The following NTNG1 variants were observed in gnomAD, a reference collection of about 807,000 sequenced individuals.
NTNG1 encodes netrin G1, also known as netrin-G1.
Under a neutral mutation model 54.0 loss-of-function variants are expected in NTNG1, and 16 were observed. The ratio of observed to expected loss-of-function variants is 0.30; its 90% CI spans 0.20 to 0.45. The LOEUF (loss-of-function observed/expected upper bound fraction) is 0.45, where lower values mean the gene tolerates loss of function less well. Among genes scored for constraint, NTNG1 ranks in the 20% least tolerant of loss-of-function variants. The pLI, the probability that NTNG1 is intolerant of heterozygous loss-of-function variation, is 1.00. For missense variants in NTNG1, 530 were observed against 678.7 expected, an observed-to-expected ratio of 0.78 and a Z score of 2.43; for synonymous variants, 255 against 263.1, an observed-to-expected ratio of 0.97 and a Z score of 0.30.
intron 3 of NTNG1, among the ~76,000 whole-genome samples, chr1:107,374,097 C>T (rs920883914): frequency 5.9e-5 from 9 of 152,134 alleles, no homozygotes; most frequent in African/African-American, 1.9e-4. Flanking sequence ...TTTTACTCTA[C>T]TGTCTTCTCA....
At chr1:107,292,640 G>T (rs1056939070) in intron 2 of NTNG1, among the ~76,000 whole-genome samples, 1 of 152,076 alleles carries the variant, frequency 6.6e-6, no homozygotes, top group African/African-American at 2.4e-5. Flanking sequence ...AGGCAAAATG[G>T]CGGAGTTTAA....
intron 2 of NTNG1, among the ~76,000 whole-genome samples, chr1:107,188,766 C>A (rs1657664583): frequency 1.3e-5 from 2 of 151,986 alleles, no homozygotes; most frequent in Non-Finnish European, 2.9e-5. Flanking sequence ...CATAACAGGG[C>A]AGAATTTTGC....
chr1:107,281,373 A>G (rs1480205316), intron 2 of NTNG1, among the ~76,000 whole-genome samples: 1 of 152,070 alleles, frequency 6.6e-6, no homozygotes, highest in Non-Finnish European at 1.5e-5. Flanking sequence ...TCAGAAAAAT[A>G]ATATGATTAG....
At chr1:107,205,394 T>G (rs1659097756) in intron 2 of NTNG1, among the ~76,000 whole-genome samples, 1 of 152,144 alleles carries the variant, frequency 6.6e-6, no homozygotes, top group Non-Finnish European at 1.5e-5. Context: ...AGCGTTTCCT[T>G]GTAAGGATGA....
chr1:107,440,725 G>T (rs490516), intron 7 of NTNG1, among the ~76,000 whole-genome samples: 145,932 of 152,208 alleles, frequency 0.96, 70,265 homozygotes, highest in East Asian at 1. Flanking sequence ...GAGACAAGAC[G>T]GATTCAAGAA....
intron 3 of NTNG1, among the ~76,000 whole-genome samples, chr1:107,388,387 G>A (rs1672150338): frequency 6.6e-6 from 1 of 152,208 alleles, no homozygotes. Flanking sequence ...CTCAGCAAGA[G>A]TGAATGCCCT....
At chr1:107,347,430 T>G (rs1669315216) in intron 3 of NTNG1, among the ~76,000 whole-genome samples, 1 of 152,098 alleles carries the variant, frequency 6.6e-6, no homozygotes. Flanking sequence ...CAGGACGATC[T>G]TTTGAGTCTA....
chr1:107,165,512 C>T (rs189291820), intron 2 of NTNG1, among the ~76,000 whole-genome samples: 1 of 152,146 alleles, frequency 6.6e-6, no homozygotes, highest in Non-Finnish European at 1.5e-5. Context: ...TAACAATGCA[C>T]TCACCATTTC....
At chr1:107,282,185 A>G (rs896225566) in intron 2 of NTNG1, among the ~76,000 whole-genome samples, 14 of 152,188 alleles carry the variant, frequency 9.2e-5, no homozygotes, top group African/African-American at 3.4e-4. Flanking sequence ...ACAAAATCCC[A>G]TAAACCACTT....
rs558692869 is a variant in NTNG1, at chr1:107,161,669, A to T, written c.246+12830A>T. ...GAGTGAAACTGTGTCTCAAAAAAAA[A>T]AAAAGAAAAAAAGAAAAAACACCAA... On this transcript the variant is annotated intron_variant, in intron 2 of 7. Coordinates refer to ENST00000370068, the MANE Select transcript of NTNG1 (RefSeq NM_001113226.3). 3.7e-4 allele frequency among the ~76,000 whole-genome samples: 56 copies of T among 151,940 alleles called. 2 individuals carry two copies. The South Asian group carries it at 0.012, about 32-fold the overall frequency.
intron 7 of NTNG1, 22 bp from the exon 8 acceptor site, chr1:107,480,589 T>TCCCTCC: frequency 4.9e-6 from 1 of 202,796 alleles, no homozygotes; most frequent in Non-Finnish European, 9.4e-6. Flanking sequence ...CACCCACCCC[T>TCCCTCC]ACCTTCCCCC....
intron 3 of NTNG1, among the ~76,000 whole-genome samples, chr1:107,355,746 T>G (rs1168845506): frequency 6.6e-6 from 1 of 152,204 alleles, no homozygotes; most frequent in Admixed American, 6.5e-5. Context: ...TTGGGTTTCC[T>G]TCTTTATTTA....
intron 2 of NTNG1, among the ~76,000 whole-genome samples, chr1:107,299,342 A>G (rs1161808576): frequency 6.6e-6 from 1 of 152,192 alleles, no homozygotes; most frequent in Non-Finnish European, 1.5e-5. Flanking sequence ...TATAAAATAA[A>G]AATTGTAATA....
In NTNG1 at chr1:107,480,773, C is replaced by T. The variant is rs372603693; in HGVS notation, c.1553C>T (p.Pro518Leu). 16 of 1,601,820 alleles carry T rather than the reference C, an allele frequency of 1.0e-5. No individual in the cohort carries two copies. The highest frequency in any genetic ancestry group is 4.0e-5 in the African/African-American group (3 of 74,794). ...TCCGACTCTGGCCAGGGCGCGCCCC[C>T]GCACGGCTCCCCAGCGCTGCTGCTG... Reference protein sequence around the residue: ...CGSDSGQGAPPHGSPALLLLT... With the variant: ...CGSDSGQGAPLHGSPALLLLT... The change falls in exon 8 of 8, where the codon CCG becomes CTG. Residue 518 changes from proline to leucine, a missense_variant. Coordinates refer to ENST00000370068, the MANE Select transcript of NTNG1 (RefSeq NM_001113226.3).
In NTNG1 at chr1:107,483,081, T is replaced by G. The variant is rs772000944; in HGVS notation, c.*2241T>G. 6.6e-6 allele frequency: 1 copy of G among 152,142 alleles called. No homozygotes were observed. Among genetic ancestry groups the G allele is most frequent in the Non-Finnish European group, 1.5e-5 (1 of 68,018 alleles). 9.4% of individuals were successfully genotyped at this position (152,142 alleles called of 1,614,324 possible). A position where few individuals can be genotyped will look rare whatever the true frequency, so the allele number is the denominator to read the frequency against. Reference sequence around the variant, plus strand: ...GAAACACATGAAAATGCTGATAACATAGGGAGTTTGAGATTATTTATAATG... The same window carrying G: ...GAAACACATGAAAATGCTGATAACAGAGGGAGTTTGAGATTATTTATAATG... On this transcript the variant is annotated 3_prime_UTR_variant, in exon 8 of 8. Transcript: ENST00000370068.
At chr1:107,309,419 T>C (rs963369569) in intron 2 of NTNG1, among the ~76,000 whole-genome samples, 27 of 152,308 alleles carry the variant, frequency 1.8e-4, no homozygotes, top group African/African-American at 5.8e-4. Context: ...AGACATACAA[T>C]TGATTCTTTA....
intron 5 of NTNG1, among the ~76,000 whole-genome samples, chr1:107,422,150 G>A (rs998148721): frequency 1.3e-5 from 2 of 152,044 alleles, no homozygotes; most frequent in African/African-American, 4.8e-5. Flanking sequence ...TTTTAACCGT[G>A]GAACATAGAA....
In NTNG1 at chr1:107,443,123, G is replaced by T. The variant is rs149878734; in HGVS notation, c.1390+6324G>T. Among the ~76,000 whole-genome samples the T allele has an allele frequency of 2.4e-3, 366 of 152,086 alleles. 3 individuals are homozygous for T. The highest frequency in any genetic ancestry group is 8.5e-3 in the East Asian group (44 of 5,156). ...GCCTCTTCAACTTCCCAGCTTTAACGTCAGACCACACTCATGCAGCAGAGG... is the reference window on the plus strand; with the variant it reads ...GCCTCTTCAACTTCCCAGCTTTAACTTCAGACCACACTCATGCAGCAGAGG... On this transcript the variant is annotated intron_variant, in intron 7 of 7. Transcript: ENST00000370068.
At chr1:107,223,219 T>C (rs1258642738) in intron 2 of NTNG1, among the ~76,000 whole-genome samples, 1 of 152,026 alleles carries the variant, frequency 6.6e-6, no homozygotes, top group African/African-American at 2.4e-5. Context: ...CTACCTTTTG[T>C]AGGGTGAAAA....
Sources: gnomAD v4.1 joint callset for allele counts (sites outside exome capture counted in the v4.1 genomes callset) on GRCh38, gnomAD v4.1.1 for gene constraint, MANE v1.5 for transcripts, NCBI Gene and HGNC (gene_info 2026-07-23, HGNC 2026-07-21) for gene names.